Variants in SLC25A48 observed in about 807,000 individuals in gnomAD.
SLC25A48 encodes the protein CTC-321K16.1.
SLC25A48 carries 29 observed loss-of-function variants against 32.2 expected under a neutral mutation model. The observed-to-expected ratio is 0.90, with a 90% CI of 0.67 to 1.23. The LOEUF is 1.23. Ranked by LOEUF, SLC25A48 falls within the 50% of genes most tolerant of loss-of-function variation. SLC25A48 has a pLI of 0.00. For missense variants in SLC25A48, 399 were observed against 422.7 expected (o/e 0.94, Z 0.49); for synonymous variants, 164 against 172.3 (o/e 0.95, Z 0.38).
intron 3 of SLC25A48, among the ~76,000 whole-genome samples, chr5:135,719,548 G>T (rs1044046530): frequency 1.3e-5 from 2 of 152,168 alleles, no homozygotes; most frequent in Non-Finnish European, 2.9e-5. Context: ...GGGAGGGAAG[G>T]CACCCTCATG....
intron 3 of SLC25A48, among the ~76,000 whole-genome samples, chr5:135,737,632 G>T (rs767715685): frequency 2.3e-4 from 35 of 152,126 alleles, no homozygotes; most frequent in Non-Finnish European, 4.4e-4. Context: ...TGTGACTCAG[G>T]TGCAGCTTCA....
upstream of SLC25A48, among the ~76,000 whole-genome samples, chr5:135,830,276 G>C (rs972445702): frequency 6.6e-6 from 1 of 152,162 alleles, no homozygotes; most frequent in Non-Finnish European, 1.5e-5. Context: ...GCGCAGCAGC[G>C]CCCTCTCCTG....
chr5:135,848,218 G>A (rs1391461603), intron 2 of SLC25A48, among the ~76,000 whole-genome samples: 2 of 152,192 alleles, frequency 1.3e-5, no homozygotes, highest in Admixed American at 6.5e-5. Context: ...ATTGGCTTGA[G>A]TGACTCAACC....
At chr5:135,742,663 GA>G in intron 3 of SLC25A48, 1 of 558,918 alleles carries the variant, frequency 1.8e-6, no homozygotes, top group Non-Finnish European at 3.2e-6. Context: ...AGTAAGCTAG[GA>G]AGAGCTAAGT....
chr5:135,850,308 C>T (rs1464100206), intron 2 of SLC25A48, 117 bp from the exon 3 acceptor site: 1 of 1,018,744 alleles, frequency 9.8e-7, no homozygotes, highest in East Asian at 2.4e-5. Context: ...GGACTGAAAC[C>T]CAGACCCTTT....
chr5:135,882,271 A>G (rs866478950), intron 7 of SLC25A48, among the ~76,000 whole-genome samples: 25 of 152,292 alleles, frequency 1.6e-4, no homozygotes, highest in African/African-American at 5.5e-4. Flanking sequence ...ATGGCATTCA[A>G]CTTCCTGCTC....
At chr5:135,649,878 G>A (rs1265897204) in intron 3 of SLC25A48, 1 of 163,492 alleles carries the variant, frequency 6.1e-6, no homozygotes, top group South Asian at 1.6e-4. Flanking sequence ...GAATGGACAT[G>A]CCCTAGATTA....
chr5:135,774,038 CA>C (rs1756484933), intron 3 of SLC25A48, among the ~76,000 whole-genome samples: 2 of 151,494 alleles, frequency 1.3e-5, no homozygotes. Flanking sequence ...CTACACCTCC[CA>C]AAATAGCAGG....
intron 3 of SLC25A48, among the ~76,000 whole-genome samples, chr5:135,692,264 A>G (rs1293300900): frequency 6.7e-6 from 1 of 148,894 alleles, no homozygotes; most frequent in African/African-American, 2.5e-5. Context: ...GGTTGCAGTG[A>G]GCCGAGATCA....
At chr5:135,848,717 G>T (rs1244677247) in intron 2 of SLC25A48, among the ~76,000 whole-genome samples, 1 of 152,200 alleles carries the variant, frequency 6.6e-6, no homozygotes, top group Non-Finnish European at 1.5e-5. Context: ...GACTGGAATA[G>T]TGCCTCCAAT....
At chr5:135,682,333 A>G (rs1161941682) in intron 3 of SLC25A48, among the ~76,000 whole-genome samples, 3 of 152,108 alleles carry the variant, frequency 2.0e-5, no homozygotes, top group Admixed American at 2.0e-4. Context: ...TAGGAGGGTC[A>G]ATCTAATTCC....
At chr5:135,609,259 T>C (rs1314354035) in intron 1 of SLC25A48, 2 of 152,226 alleles carry the variant, frequency 1.3e-5, no homozygotes, top group Non-Finnish European at 2.9e-5. Context: ...ACAAGGTTAC[T>C]TTATTTACTC....
At chr5:135,598,712 T>C (rs1177666116) in intron 1 of SLC25A48, among the ~76,000 whole-genome samples, 1 of 152,210 alleles carries the variant, frequency 6.6e-6, no homozygotes, top group Non-Finnish European at 1.5e-5. Flanking sequence ...CACACATGTG[T>C]AGTAAGCAAA....
intron 1 of SLC25A48, among the ~76,000 whole-genome samples, chr5:135,585,799 G>A (rs531302166): frequency 7.0e-6 from 1 of 143,442 alleles, no homozygotes; most frequent in East Asian, 2.1e-4. Context: ...TAATCAGGCT[G>A]TGATAAGGAT....
At chr5:135,690,956 T>TTA (rs34181639) in intron 3 of SLC25A48, among the ~76,000 whole-genome samples, 1,595 of 151,612 alleles carry the variant, frequency 0.011, 33 homozygotes, top group African/African-American at 0.036. Flanking sequence ...TTTTTTTTTT[T>TTA]AATAAAAATC....
intron 3 of SLC25A48, among the ~76,000 whole-genome samples, chr5:135,705,575 A>C (rs555860490): frequency 3.7e-4 from 57 of 152,356 alleles, no homozygotes; most frequent in African/African-American, 1.3e-3. Context: ...ACCATGCACT[A>C]ACATTATTTA....
intron 3 of SLC25A48, among the ~76,000 whole-genome samples, chr5:135,760,843 G>A (rs4360035): frequency 0.75 from 114,410 of 152,124 alleles, 43,769 homozygotes; most frequent in Middle Eastern, 0.87. Flanking sequence ...ATGTGTGTAC[G>A]TGTGTATAAC....
intron 4 of SLC25A48, among the ~76,000 whole-genome samples, chr5:135,853,945 T>C (rs1374101443): frequency 1.3e-5 from 2 of 152,232 alleles, no homozygotes; most frequent in African/African-American, 4.8e-5. Flanking sequence ...GGCTGCCGAA[T>C]GGATGCTGTG....
intron 1 of SLC25A48, among the ~76,000 whole-genome samples, chr5:135,583,741 G>T (rs777695978): frequency 1.3e-5 from 2 of 152,038 alleles, no homozygotes; most frequent in African/African-American, 2.4e-5. Flanking sequence ...TGACATGGTG[G>T]GTCACCCCAA....
Sources: gnomAD v4.1 joint callset for allele counts (sites outside exome capture counted in the v4.1 genomes callset) on GRCh38, gnomAD v4.1.1 for gene constraint, MANE v1.5 for transcripts, NCBI Gene and HGNC (gene_info 2026-07-23, HGNC 2026-07-21) for gene names.